Variants in CCDC73 observed in about 807,000 individuals in gnomAD.
The protein encoded by CCDC73 is coiled-coil domain containing 73.
In CCDC73, 95 loss-of-function variants were observed where a neutral mutation model predicts 116.5. The ratio of observed to expected loss-of-function variants is 0.82; its 90% CI spans 0.69 to 0.97. The LOEUF is 0.97. Ranked by LOEUF, CCDC73 falls within the 50% of genes least tolerant of loss-of-function variation. The pLI, the probability that CCDC73 is intolerant of heterozygous loss-of-function variation, is 0.00. For synonymous variants in CCDC73, 398 were observed against 401.3 expected (o/e 0.99, Z 0.10); for missense variants, 1,066 against 1,206.8 (o/e 0.88, Z 1.73).
intron 2 of CCDC73, among the ~76,000 whole-genome samples, chr11:32,752,994 T>G (rs9943544): frequency 0.67 from 101,783 of 151,962 alleles, 34,186 homozygotes; most frequent in East Asian, 0.84. Context: ...TTCTTGTAGA[T>G]AAAGGGTCTC....
chr11:32,699,196 T>C, intron 6 of CCDC73, 55 bp downstream of exon 6: 1 of 1,494,164 alleles, frequency 6.7e-7, no homozygotes, highest in Non-Finnish European at 9.0e-7. Context: ...GGCATTTTAC[T>C]GATATAATGC....
Position 32,656,375 on chromosome 11 carries a change from G to A in CCDC73, c.646-1403C>T, listed in dbSNP as rs370149277. On this transcript the variant is annotated intron_variant, in intron 9 of 17. Coordinates refer to ENST00000335185, the MANE Select transcript of CCDC73 (RefSeq NM_001008391.4). ...ATTACAGGCGTGAGCCACCGCGCCCGGCCAGTTTTTCTACATTATAAGAGC... is the reference window on the plus strand; with the variant it reads ...ATTACAGGCGTGAGCCACCGCGCCCAGCCAGTTTTTCTACATTATAAGAGC... Among the ~76,000 whole-genome samples, 24 of 152,212 alleles carry A rather than the reference G, an allele frequency of 1.6e-4. No individual in the cohort carries two copies. The East Asian group carries it at 2.7e-3, about 17-fold the overall frequency.
intron 14 of CCDC73, among the ~76,000 whole-genome samples, chr11:32,619,780 AAGC>A (rs1169252131): frequency 2.0e-5 from 3 of 150,984 alleles, no homozygotes; most frequent in South Asian, 4.2e-4. Flanking sequence ...GGAGCAGAAG[AAGC>A]AGAAGAAGCA....
At chr11:32,665,505 T>G (rs890183683) in intron 9 of CCDC73, among the ~76,000 whole-genome samples, 1 of 152,240 alleles carries the variant, frequency 6.6e-6, no homozygotes, top group Non-Finnish European at 1.5e-5. Context: ...GTTTTCCATT[T>G]GCTTGGTAGA....
intron 9 of CCDC73, 72 bp from the exon 10 acceptor site, chr11:32,655,044 T>G: frequency 7.5e-7 from 1 of 1,339,416 alleles, no homozygotes; most frequent in Non-Finnish European, 1.0e-6. Flanking sequence ...TTCCTGACAG[T>G]TTCAAAGTTC....
At position 32,658,778 on chromosome 11, in the gene CCDC73, TA is replaced by T. The variant is rs916149495; in HGVS notation, c.646-3807del. ...GGAAAGTAAAAAATATGAGACATTC[TA>T]AAAAAAAATATAATAGACTGAACAA... On this transcript the variant is annotated intron_variant, in intron 9 of 17. Coordinates refer to ENST00000335185, the MANE Select transcript of CCDC73 (RefSeq NM_001008391.4). Among the ~76,000 whole-genome samples the T allele has an allele frequency of 5.3e-5, 8 of 151,500 alleles. No homozygotes were observed. In the East Asian group the frequency reaches 5.9e-4, roughly 11 times the overall value.
chr11:32,684,318 G>C (rs1262146653), intron 6 of CCDC73, among the ~76,000 whole-genome samples: 18 of 152,230 alleles, frequency 1.2e-4, no homozygotes, highest in African/African-American at 4.1e-4. Context: ...CTCTTATAGT[G>C]CTGAGATTAC....
chr11:32,731,222 G>A (rs1205573499), intron 2 of CCDC73, among the ~76,000 whole-genome samples: 2 of 152,160 alleles, frequency 1.3e-5, no homozygotes, highest in Non-Finnish European at 2.9e-5. Context: ...AGCGAGGCTG[G>A]GGGAGAGGCG....
At chr11:32,712,314 T>C (rs1037541707) in intron 3 of CCDC73, among the ~76,000 whole-genome samples, 3 of 152,044 alleles carry the variant, frequency 2.0e-5, no homozygotes, top group Non-Finnish European at 4.4e-5. Context: ...GGGTACAAAG[T>C]TCCAGTTAGA....
chr11:32,610,278 T>A (rs1855409050), intron 17 of CCDC73, among the ~76,000 whole-genome samples: 1 of 151,998 alleles, frequency 6.6e-6, no homozygotes, highest in African/African-American at 2.4e-5. Context: ...ACTGTGGGAG[T>A]GACAATTCAA....
intron 7 of CCDC73, 123 bp downstream of exon 7, chr11:32,683,413 A>T (rs2133295454): frequency 1.4e-6 from 1 of 691,826 alleles, no homozygotes; most frequent in Non-Finnish European, 2.7e-6. Flanking sequence ...ATTACTGGAG[A>T]CAGTAATATT....
intron 6 of CCDC73, among the ~76,000 whole-genome samples, chr11:32,697,554 G>A (rs1056559501): frequency 6.0e-5 from 8 of 134,120 alleles, no homozygotes; most frequent in African/African-American, 1.4e-4. Flanking sequence ...CGTAATCTCC[G>A]CTCACTGCAA....
At chr11:32,718,026 A>G in intron 3 of CCDC73, 50 bp downstream of exon 3, 3 of 1,316,152 alleles carry the variant, frequency 2.3e-6, no homozygotes, top group Non-Finnish European at 3.2e-6. Context: ...GGGGATTACA[A>G]TTCAAGATGA....
At chr11:32,735,199 A>G (rs1011139685) in intron 2 of CCDC73, among the ~76,000 whole-genome samples, 3 of 152,116 alleles carry the variant, frequency 2.0e-5, no homozygotes, top group African/African-American at 7.2e-5. Context: ...GAAATAAAGG[A>G]TATTCAATTA....
intron 14 of CCDC73, among the ~76,000 whole-genome samples, chr11:32,618,356 T>C (rs770573400): frequency 6.6e-6 from 1 of 152,168 alleles, no homozygotes; most frequent in Non-Finnish European, 1.5e-5. Context: ...ACATGTGTCT[T>C]TTTGGTAGAG....
At chr11:32,691,844 G>A (rs933531502) in intron 6 of CCDC73, among the ~76,000 whole-genome samples, 1 of 151,862 alleles carries the variant, frequency 6.6e-6, no homozygotes, top group Non-Finnish European at 1.5e-5. Context: ...GTTAGGAGAT[G>A]GAGACCATCC....
intron 3 of CCDC73, among the ~76,000 whole-genome samples, chr11:32,708,084 G>A (rs1323811223): frequency 6.6e-6 from 1 of 152,110 alleles, no homozygotes; most frequent in Non-Finnish European, 1.5e-5. Flanking sequence ...TTTTTGTTAA[G>A]GTGAGAGATG....
intron 12 of CCDC73, among the ~76,000 whole-genome samples, chr11:32,647,692 AT>A (rs1194521589): frequency 6.6e-6 from 1 of 151,992 alleles, no homozygotes; most frequent in Non-Finnish European, 1.5e-5. Context: ...GGAATCTTCC[AT>A]TTTTCTGCCA....
intron 12 of CCDC73, among the ~76,000 whole-genome samples, chr11:32,645,096 G>A (rs1480078758): frequency 2.0e-5 from 3 of 151,900 alleles, no homozygotes; most frequent in Non-Finnish European, 4.4e-5. Flanking sequence ...ACACACATTA[G>A]CCTAGGCCTA....
Sources: allele counts gnomAD v4.1 joint callset (sites outside exome capture counted in the v4.1 genomes callset), GRCh38; gene constraint gnomAD v4.1.1; transcripts MANE v1.5; gene names NCBI Gene and HGNC (gene_info 2026-07-23, HGNC 2026-07-21).